DNM1: variants seen among roughly 807,000 people sequenced by gnomAD.
DNM1 encodes dynamin-1.
A neutral mutation model predicts 104.6 loss-of-function variants in DNM1; 29 were observed. The ratio of observed to expected loss-of-function variants is 0.28; its 90% CI spans 0.21 to 0.38. The LOEUF (loss-of-function observed/expected upper bound fraction) is 0.38, where lower values mean the gene tolerates loss of function less well. Among genes scored for constraint, DNM1 ranks in the 10% least tolerant of loss-of-function variants. The pLI is 1.00. For missense variants in DNM1, 640 were observed against 1,189.4 expected, an observed-to-expected ratio of 0.54 and a Z score of 6.79; for synonymous variants, 445 against 475.8, an observed-to-expected ratio of 0.94 and a Z score of 0.84.
Position 128,245,697 on chromosome 9 carries a change from G to A in DNM1, c.1672-697G>A, listed in dbSNP as rs1588444683. Among the ~76,000 whole-genome samples, 1 of 152,168 alleles carries A rather than the reference G, an allele frequency of 6.6e-6. No homozygotes were observed. The highest frequency in any genetic ancestry group is 1.5e-5 in the Non-Finnish European group (1 of 68,036). On this transcript the variant is annotated intron_variant, in intron 15 of 21. Transcript: ENST00000372923. This position sits in a 1 kb window ranked among gnomAD's most constrained non-coding sequence, Gnocchi z 5.2. ...ACAGGCATGGCTCTGCAAACATGTAGGCTCGCACAATTGCCACACACATCC... is the reference window on the plus strand; with the variant it reads ...ACAGGCATGGCTCTGCAAACATGTAAGCTCGCACAATTGCCACACACATCC...
chr9:128,248,119 G>C lies in DNM1; in HGVS notation c.1905+184G>C. The C allele has an allele frequency of 1.3e-6, 1 of 761,542 alleles. No homozygotes were observed. The highest frequency in any genetic ancestry group is 2.2e-6 in the Non-Finnish European group (1 of 444,994). 47.2% of individuals were successfully genotyped at this position (761,542 alleles called of 1,614,324 possible). Reference sequence around the variant, plus strand: ...CGAGGTGGGCGGATCACAAGGTCAGGAGTTCGAGACCAGCCTGGCCAACAC... The same window carrying C: ...CGAGGTGGGCGGATCACAAGGTCAGCAGTTCGAGACCAGCCTGGCCAACAC... On this transcript the variant is annotated intron_variant, in intron 18 of 21. Coordinates refer to ENST00000372923, the MANE Select transcript of DNM1 (RefSeq NM_004408.4). The surrounding 1 kb of genome is among the most constrained non-coding windows in gnomAD (Gnocchi z 5.6).
intron 10 of DNM1, among the ~76,000 whole-genome samples, chr9:128,225,523 G>A (rs935685118): frequency 5.9e-5 from 9 of 152,224 alleles, no homozygotes; most frequent in African/African-American, 2.2e-4. Context: ...TGGTACTGAG[G>A]TTTGGAGTCA....
Position 128,255,192 on chromosome 9 carries a change from C to T in DNM1, c.*478C>T, listed in dbSNP as rs1304066800. ...AGCCGTGTGGCCTGACAGTTTCTAC[C>T]AGTCCTGCTGTCCCTCGGCTGAGAA... On this transcript the variant is annotated 3_prime_UTR_variant, in exon 22 of 22. Coordinates refer to ENST00000372923, the MANE Select transcript of DNM1 (RefSeq NM_004408.4). The T allele has an allele frequency of 1.3e-5, 2 of 159,980 alleles. No individual in the cohort carries two copies. The highest frequency in any genetic ancestry group is 6.5e-5 in the Admixed American group (1 of 15,396). The allele number at this position is 159,980 out of a possible 1,614,324, so 9.9% of individuals were successfully genotyped here.
intron 19 of DNM1, among the ~76,000 whole-genome samples, chr9:128,249,741 C>T (rs1829397994): frequency 6.6e-6 from 1 of 151,430 alleles, no homozygotes; most frequent in African/African-American, 2.4e-5. Context: ...TGGAAGATAA[C>T]TTTGAGCCCA....
Position 128,254,543 on chromosome 9 carries a change from T to TCCCCCGCCCA in DNM1, c.2535-108_2535-107insCCGCCCACCC. On this transcript the variant is annotated intron_variant, in intron 21 of 21. Coordinates refer to ENST00000372923, the MANE Select transcript of DNM1 (RefSeq NM_004408.4). This position sits in a 1 kb window ranked among gnomAD's most constrained non-coding sequence, Gnocchi z 6.1. ...ACCTGCAGCCTCCCCTCCCCGGCCC[T>TCCCCCGCCCA]CCCACCACTGCTGCGGCGCGGCCGG... is the stretch of plus-strand genomic sequence containing the variant. 1 of 1,392,210 alleles carries TCCCCCGCCCA rather than the reference T, an allele frequency of 7.2e-7. No homozygotes were observed. The highest frequency in any genetic ancestry group is 3.6e-5 in the East Asian group (1 of 27,406). 86.2% of individuals were successfully genotyped at this position (1,392,210 alleles called of 1,614,324 possible).
intron 6 of DNM1, chr9:128,221,063 TTCTTTCTCTCTTTCTC>T (rs752035964): frequency 2.3e-5 from 3 of 132,308 alleles, no homozygotes; most frequent in Admixed American, 7.5e-5. Flanking sequence ...CTTTCTCTCT[TTCTTTCTCTCTTTCTC>T]TCTTTCTCTC....
chr9:128,254,315 C>G lies in DNM1; in HGVS notation c.2535-339C>G. On this transcript the variant is annotated intron_variant, in intron 21 of 21. Transcript: ENST00000372923. The surrounding 1 kb of genome is among the most constrained non-coding windows in gnomAD (Gnocchi z 6.1). ...GCCAGTGGGTTGGAAGACAGGGTGACCAGAGAAGAGGGAAGCCCGAGGGGG... is the reference window on the plus strand; with the variant it reads ...GCCAGTGGGTTGGAAGACAGGGTGAGCAGAGAAGAGGGAAGCCCGAGGGGG... 1.4e-6 allele frequency: 2 copies of G among 1,400,168 alleles called. No individual in the cohort carries two copies. Among genetic ancestry groups the G allele is most frequent in the Non-Finnish European group, 1.8e-6 (2 of 1,087,514 alleles). 86.7% of individuals were successfully genotyped at this position (1,400,168 alleles called of 1,614,324 possible).
chr9:128,243,218 T>G lies in DNM1; in HGVS notation c.1671+873T>G, dbSNP rs958026264. On this transcript the variant is annotated intron_variant, in intron 15 of 21. Coordinates refer to ENST00000372923, the MANE Select transcript of DNM1 (RefSeq NM_004408.4). The surrounding 1 kb of genome is among the most constrained non-coding windows in gnomAD (Gnocchi z 4.0). ...TGCCACCTCCTTCCCCTGTTGCTGG[T>G]CTCCTTTAAGAATGAGTCTATTTGG... Among the ~76,000 whole-genome samples, 2 of 152,054 alleles carry G rather than the reference T, an allele frequency of 1.3e-5. No homozygotes were observed. The highest frequency in any genetic ancestry group is 4.8e-5 in the African/African-American group (2 of 41,402).
chr9:128,246,430 C>A lies in DNM1; in HGVS notation c.1708C>A (p.Leu570Ile). The change falls in exon 16 of 22, where the codon CTC (leucine) becomes ATC (isoleucine). Residue 570 changes from leucine to isoleucine, a missense_variant. Physicochemically the swap from Leu to Ile is conservative, Grantham distance 5. This residue lies in a region of DNM1 where 91 missense variants were observed against 256.3 expected (regional missense o/e 0.36). Coordinates refer to ENST00000372923, the MANE Select transcript of DNM1 (RefSeq NM_004408.4). Reference protein sequence around the residue: ...EKKYMLSVDNLKLRDVEKGFM... With the variant: ...EKKYMLSVDNIKLRDVEKGFM... ...GAAATACATGCTGTCTGTGGACAAC[C>A]TCAAGCTGCGGGACGTGGAGAAGGG... 1 of 1,614,136 alleles carries A rather than the reference C, an allele frequency of 6.2e-7. No individual in the cohort carries two copies. Among genetic ancestry groups the A allele is most frequent in the Middle Eastern group, 1.7e-4 (1 of 6,060 alleles).
At chr9:128,212,422 C>T (rs750922161) in intron 1 of DNM1, among the ~76,000 whole-genome samples, 16 of 152,028 alleles carry the variant, frequency 1.1e-4, no homozygotes, top group Admixed American at 3.9e-4. Context: ...CTGCAATGAG[C>T]TATGATCGTA....
chr9:128,238,179 T>A (rs889096531), intron 11 of DNM1, among the ~76,000 whole-genome samples: 3 of 152,132 alleles, frequency 2.0e-5, no homozygotes, highest in Non-Finnish European at 4.4e-5. Flanking sequence ...TTCCCAACAC[T>A]TGTGTCATGC....
chr9:128,249,688 GGTAGCAC>G, intron 19 of DNM1, among the ~76,000 whole-genome samples: 2 of 151,992 alleles, frequency 1.3e-5, no homozygotes, highest in Admixed American at 1.3e-4. Flanking sequence ...TGGGGTTGGT[GGTAGCAC>G]GTGCCTGTAG....
chr9:128,242,151 G>T (rs751762611), intron 14 of DNM1, 81 bp from the exon 15 acceptor site: 8 of 811,688 alleles, frequency 9.9e-6, no homozygotes, highest in South Asian at 2.9e-5. Context: ...GTGGGGTTTC[G>T]AATGCCTCTC....
At position 128,253,272 on chromosome 9, in the gene DNM1, T is replaced by A; in HGVS notation, c.2535-1382T>A. On this transcript the variant is annotated intron_variant, in intron 21 of 21. Coordinates refer to ENST00000372923, the MANE Select transcript of DNM1 (RefSeq NM_004408.4). This position sits in a 1 kb window ranked among gnomAD's most constrained non-coding sequence, Gnocchi z 5.9. ...CTTCTGCAGCTGCAGACTTGCTCTT[T>A]CCTCTTTCTGTCCTTGTGCCGCTGG... 2.5e-6 allele frequency: 2 copies of A among 805,502 alleles called. No individual in the cohort carries two copies. The highest frequency in any genetic ancestry group is 1.6e-5 in the South Asian group (1 of 63,180). 49.9% of individuals were successfully genotyped at this position (805,502 alleles called of 1,614,324 possible).
rs540984432 is a variant in DNM1, at chr9:128,226,270, C to T, written c.1335+1881C>T. 282 of 1,539,192 alleles carry T rather than the reference C, an allele frequency of 1.8e-4. 2 individuals carry two copies. The South Asian group carries it at 3.1e-3, about 17-fold the overall frequency. The stretch of plus-strand genomic sequence containing the variant: ...AGGATCTGCTGAGCCGGCCTCACGG[C>T]TACCCGCAGGGACCCAGCCCTAGTG... On this transcript the variant is annotated intron_variant, in intron 10 of 21. Transcript: ENST00000372923.
intron 13 of DNM1, 50 bp downstream of exon 13, chr9:128,239,829 A>G: frequency 1.3e-6 from 2 of 1,588,656 alleles, no homozygotes; most frequent in Non-Finnish European, 1.7e-6. Flanking sequence ...TGCCGGACGG[A>G]CACCAGACTC....
chr9:128,225,454 C>T (rs1300819778), intron 10 of DNM1, among the ~76,000 whole-genome samples: 4 of 152,190 alleles, frequency 2.6e-5, no homozygotes, highest in Non-Finnish European at 4.4e-5. Context: ...ATGGACCCCC[C>T]TGGAGTTGTG....
chr9:128,211,902 T>C (rs547364276), intron 1 of DNM1, among the ~76,000 whole-genome samples: 1 of 152,310 alleles, frequency 6.6e-6, no homozygotes, highest in Admixed American at 6.5e-5. Flanking sequence ...GCTCCAACCA[T>C]GGTTAATATT....
At position 128,247,422 on chromosome 9, in the gene DNM1, A is replaced by G; in HGVS notation, c.1829A>G (p.Gln610Arg). ...YRQLELACET[Q>R]EEVDSWKASF... ...CAGCTGGAGCTAGCCTGTGAGACAC[A>G]GGAGGAGGTGGACAGCTGGAAGGCC... The change falls in exon 17 of 22, where the codon CAG becomes CGG. Residue 610 changes from glutamine (Q) to arginine (R), a missense_variant. Physicochemically the swap from Gln to Arg is conservative, Grantham distance 43 (BLOSUM62 1). This residue lies in a region of DNM1 where 91 missense variants were observed against 256.3 expected (regional missense o/e 0.36). Transcript: ENST00000372923. This position sits in a 1 kb window ranked among gnomAD's most constrained non-coding sequence, Gnocchi z 5.1. The G allele has an allele frequency of 6.2e-7, 1 of 1,613,748 alleles. No individual in the cohort carries two copies. Among genetic ancestry groups the G allele is most frequent in the Non-Finnish European group, 8.5e-7 (1 of 1,179,724 alleles).
Sources: allele counts gnomAD v4.1 joint callset (sites outside exome capture counted in the v4.1 genomes callset), GRCh38; gene constraint gnomAD v4.1.1; regional missense constraint gnomAD v4.1.1; non-coding constraint Gnocchi (gnomAD v3.1); transcripts MANE v1.5; gene names NCBI Gene and HGNC (gene_info 2026-07-23, HGNC 2026-07-21).